CCDC13: variants seen among roughly 807,000 people sequenced by gnomAD.
The protein encoded by CCDC13 is coiled-coil domain containing 13, also known as coiled-coil domain-containing protein 13.
A neutral mutation model predicts 87.3 loss-of-function variants in CCDC13; 70 were observed. The observed-to-expected ratio is 0.80, with a 90% confidence interval of 0.66 to 0.98. The LOEUF (loss-of-function observed/expected upper bound fraction) is 0.98. Among genes scored for constraint, CCDC13 ranks in the 50% least tolerant of loss-of-function variants. The pLI is 0.00. For synonymous variants in CCDC13, 317 were observed against 360.3 expected (o/e 0.88, Z 1.36); for missense variants, 842 against 892.0 (o/e 0.94, Z 0.71).
chr3:42,731,204 G>T (rs921954522), intron 12 of CCDC13, among the ~76,000 whole-genome samples: 1 of 151,902 alleles, frequency 6.6e-6, no homozygotes, highest in East Asian at 1.9e-4. Context: ...GCTGCTCTCC[G>T]CTGTGCCCCC....
intron 5 of CCDC13, among the ~76,000 whole-genome samples, chr3:42,750,824 A>G (rs1378922254): frequency 2.6e-5 from 4 of 152,326 alleles, no homozygotes; most frequent in South Asian, 2.1e-4. Context: ...ATCAGGCTGA[A>G]CAAGCAGTTT....
At chr3:42,746,953 T>C (rs1029204786) in intron 6 of CCDC13, 2 of 493,042 alleles carry the variant, frequency 4.1e-6, no homozygotes, top group African/African-American at 1.9e-5. Flanking sequence ...GAAGGCTTAA[T>C]GGACTCTCCC....
At chr3:42,717,032 C>T (rs936105706) in intron 13 of CCDC13, among the ~76,000 whole-genome samples, 2 of 152,098 alleles carry the variant, frequency 1.3e-5, no homozygotes, top group African/African-American at 4.8e-5. Flanking sequence ...TACGGATGAA[C>T]CTTGGAAACA....
chr3:42,759,704 G>A lies in CCDC13; in HGVS notation c.-6-1353C>T, dbSNP rs370440852. On this transcript the variant is annotated intron_variant, in intron 1 of 15. Coordinates refer to ENST00000310232, the MANE Select transcript of CCDC13 (RefSeq NM_144719.4). Reference sequence around the variant, plus strand: ...TTGATTATACATTCACTTGTTATTGGACATCTGAGCTGTTTCCAGTTTTGG... The same window carrying A: ...TTGATTATACATTCACTTGTTATTGAACATCTGAGCTGTTTCCAGTTTTGG... 2.6e-5 allele frequency among the ~76,000 whole-genome samples: 4 copies of A among 152,126 alleles called. No homozygotes were observed. In the South Asian group the frequency reaches 8.3e-4, roughly 31 times the overall value.
chr3:42,740,883 CA>C (rs1234150359), intron 8 of CCDC13: 1 of 152,150 alleles, frequency 6.6e-6, no homozygotes, highest in African/African-American at 2.4e-5. Context: ...TATAGAAATG[CA>C]AAACAAGTAA....
chr3:42,765,462 A>G (rs898304031), intron 1 of CCDC13, among the ~76,000 whole-genome samples: 1 of 152,086 alleles, frequency 6.6e-6, no homozygotes, highest in Non-Finnish European at 1.5e-5. Flanking sequence ...CTGGAGTGCA[A>G]TGGCACGATC....
rs34594350 is a variant in CCDC13 at position 42,732,868 on chromosome 3, G to A, written c.1595+19C>T. 1,688 of 1,544,108 alleles carry A rather than the reference G, an allele frequency of 1.1e-3. 10 individuals are homozygous for A. The African/African-American group carries it at 0.018, about 16-fold the overall frequency. On this transcript the variant is annotated intron_variant, in intron 12 of 15. Transcript: ENST00000310232. ...GAATGGGAAAAAACTGTGAGAGTCC[G>A]GGGGTCGGGGGTCCATACCTAGGTG...
Position 42,713,222 on chromosome 3 carries a change from T to C in CCDC13, c.1813A>G (p.Ile605Val), listed in dbSNP as rs754629090. 1 of 1,614,200 alleles carries C rather than the reference T, an allele frequency of 6.2e-7. No homozygotes were observed. Among genetic ancestry groups the C allele is most frequent in the Admixed American group, 1.7e-5 (1 of 60,020 alleles). Residue 605 changes from isoleucine to valine, a missense_variant, in exon 14 of 16, where the codon ATA (isoleucine) becomes GTA (valine). Physicochemically the swap from Ile to Val is conservative, Grantham distance 29. Transcript: ENST00000310232. ...GATGCCTTCCCTGGCTCCAGGCGTA[T>C]CTTCTCCAGATGTTGCTCCAGCACC... ...TVVLEQHLEK[I>V]RLEPGKASAS...
intron 1 of CCDC13, among the ~76,000 whole-genome samples, chr3:42,768,742 A>C (rs1422329373): frequency 6.6e-6 from 1 of 152,158 alleles, no homozygotes; most frequent in African/African-American, 2.4e-5. Context: ...GAGAAGCCAT[A>C]GAGACTGGAA....
chr3:42,709,288 G>T, intron 15 of CCDC13, 149 bp from the exon 16 acceptor site: 1 of 780,510 alleles, frequency 1.3e-6, no homozygotes, highest in Non-Finnish European at 2.0e-6. Flanking sequence ...ACTGACTCTT[G>T]TGGGTACCAT....
At chr3:42,745,867 T>C in intron 7 of CCDC13, 56 bp downstream of exon 7, 1 of 1,430,992 alleles carries the variant, frequency 7.0e-7, no homozygotes. Context: ...GGCAGCTCTT[T>C]CTGGGGTGTT....
chr3:42,763,231 T>C (rs1575335901), intron 1 of CCDC13, among the ~76,000 whole-genome samples: 1 of 152,222 alleles, frequency 6.6e-6, no homozygotes, highest in African/African-American at 2.4e-5. Flanking sequence ...CTGTGACTGG[T>C]ACAAGAGTAG....
At chr3:42,710,260 T>C (rs1479620249) in intron 14 of CCDC13, among the ~76,000 whole-genome samples, 1 of 151,998 alleles carries the variant, frequency 6.6e-6, no homozygotes, top group Non-Finnish European at 1.5e-5. Context: ...CCTGTCACCA[T>C]GCCCAGCTAA....
At chr3:42,717,552 C>T (rs751722168) in intron 13 of CCDC13, among the ~76,000 whole-genome samples, 5 of 152,008 alleles carry the variant, frequency 3.3e-5, no homozygotes, top group East Asian at 1.9e-4. Flanking sequence ...ATAGAGATAA[C>T]GGTTGCACAG....
chr3:42,772,747 G>A (rs909066661), intron 1 of CCDC13, among the ~76,000 whole-genome samples: 2 of 152,150 alleles, frequency 1.3e-5, no homozygotes, highest in African/African-American at 2.4e-5. Context: ...CCCCAGTCCT[G>A]TGGGGGCTGG....
At chr3:42,752,166 T>C (rs1215751753) in intron 4 of CCDC13, 141 bp from the exon 5 acceptor site, 1 of 691,348 alleles carries the variant, frequency 1.4e-6, no homozygotes, top group Non-Finnish European at 2.4e-6. Flanking sequence ...AATGGCAGCA[T>C]TCTCCTTTAG....
intron 5 of CCDC13, among the ~76,000 whole-genome samples, chr3:42,750,799 G>A (rs547064454): frequency 6.6e-6 from 1 of 152,284 alleles, no homozygotes; most frequent in East Asian, 1.9e-4. Flanking sequence ...TGTGCCACAG[G>A]GCTTAGAAAA....
rs916648304 is a variant in CCDC13, at chr3:42,751,794, T to C, written c.603+142A>G. ...GTCTGCTCTGAGGATGCAGCAATGG[T>C]AGACAATGGGCACCTGGCTCGGCAG... is the stretch of plus-strand genomic sequence containing the variant. On this transcript the variant is annotated intron_variant, in intron 5 of 15. Coordinates refer to ENST00000310232, the MANE Select transcript of CCDC13 (RefSeq NM_144719.4). The C allele has an allele frequency of 9.3e-5, 63 of 675,126 alleles. 1 individual carries two copies. The South Asian group carries it at 9.8e-4, about 11-fold the overall frequency. 41.8% of individuals were successfully genotyped at this position (675,126 alleles called of 1,614,324 possible).
At chr3:42,712,336 C>T (rs1698330807) in intron 14 of CCDC13, among the ~76,000 whole-genome samples, 1 of 152,084 alleles carries the variant, frequency 6.6e-6, no homozygotes, top group African/African-American at 2.4e-5. Context: ...ACATTGGAGA[C>T]CCTTCCTCCC....
Sources: allele counts gnomAD v4.1 joint callset (sites outside exome capture counted in the v4.1 genomes callset), GRCh38; gene constraint gnomAD v4.1.1; transcripts MANE v1.5; gene names NCBI Gene and HGNC (gene_info 2026-07-23, HGNC 2026-07-21).